The following RICTOR variants were observed in gnomAD, a reference collection of about 807,000 sequenced individuals.
RICTOR encodes the protein rapamycin-insensitive companion of mTOR.
RICTOR carries 49 observed loss-of-function variants against 214.9 expected under a neutral mutation model. The ratio of observed to expected loss-of-function variants is 0.23; its 90% CI spans 0.18 to 0.29. The LOEUF is 0.29. Ranked by LOEUF, RICTOR falls within the 10% of genes least tolerant of loss-of-function variation. The pLI is 1.00. For missense variants in RICTOR, 1,625 were observed against 2,047.0 expected (o/e 0.79, Z 3.98); for synonymous variants, 717 against 711.3 (o/e 1.01, Z -0.13).
At chr5:39,009,088 A>G (rs1007529975) in intron 3 of RICTOR, among the ~76,000 whole-genome samples, 1 of 152,140 alleles carries the variant, frequency 6.6e-6, no homozygotes, top group African/African-American at 2.4e-5. Flanking sequence ...GTAATAATGA[A>G]TGTTAATAAA....
At chr5:38,989,573 A>G (rs1378227900) in intron 7 of RICTOR, among the ~76,000 whole-genome samples, 1 of 152,222 alleles carries the variant, frequency 6.6e-6, no homozygotes, top group Non-Finnish European at 1.5e-5. Context: ...GGCAACCTAC[A>G]GAATGGGAAA....
chr5:38,975,649 T>C (rs1482262910), intron 9 of RICTOR, 45 bp from the exon 10 acceptor site: 10 of 1,482,646 alleles, frequency 6.7e-6, no homozygotes, highest in South Asian at 1.1e-5. Flanking sequence ...TGAAATAAAA[T>C]GTTAAAATGA....
At chr5:38,955,043 C>T (rs1489111597) in intron 26 of RICTOR, 182 bp from the exon 27 acceptor site, 4 of 436,958 alleles carry the variant, frequency 9.2e-6, no homozygotes, top group Non-Finnish European at 1.6e-5. Flanking sequence ...CTTCCCTAAT[C>T]CAAAATGATC....
In RICTOR at chr5:38,944,559, T is replaced by C. The variant is rs1198288323; in HGVS notation, c.4800A>G (p.Thr1600=). The change falls in exon 36 of 38, where the codon ACA becomes ACG. Residue 1600 remains threonine, a synonymous_variant. Transcript: ENST00000357387. ...KSTELLLGVK[T]IPDDTPMCRI... ...GGCACATTGGTGTATCATCTGGAATTGTTTTAACACCTGAAAAGATTTCAG... is the reference window on the plus strand; with the variant it reads ...GGCACATTGGTGTATCATCTGGAATCGTTTTAACACCTGAAAAGATTTCAG... The C allele has an allele frequency of 1.3e-6, 2 of 1,599,102 alleles. No individual in the cohort carries two copies. The highest frequency in any genetic ancestry group is 1.8e-5 in the Admixed American group (1 of 55,718).
chr5:38,986,952 G>A (rs1752217029), intron 7 of RICTOR, among the ~76,000 whole-genome samples: 1 of 152,056 alleles, frequency 6.6e-6, no homozygotes, highest in Admixed American at 6.6e-5. Flanking sequence ...ATATTTTACT[G>A]AAGGCCTTTT....
In RICTOR at chr5:38,954,800, T is replaced by C; in HGVS notation, c.2671A>G (p.Thr891Ala). ...TGTACTTCCAACAAATGGCAGCCTGTTTTATGGTGTACTAGTTGTCCATAA... is the reference window on the plus strand; with the variant it reads ...TGTACTTCCAACAAATGGCAGCCTGCTTTATGGTGTACTAGTTGTCCATAA... ...HLYGQLVHHK[T>A]GCHLLEVQNI... The change falls in exon 27 of 38, where the codon ACA (threonine) becomes GCA (alanine). Residue 891 changes from threonine (T) to alanine (A), a missense_variant. Around this residue, in one of 5 missense-constraint regions of RICTOR, gnomAD observed 1,214 missense variants for 1,470.5 expected, o/e 0.83. Coordinates refer to ENST00000357387, the MANE Select transcript of RICTOR (RefSeq NM_152756.5). 3.7e-6 allele frequency: 6 copies of C among 1,603,404 alleles called. No individual in the cohort carries two copies. Among genetic ancestry groups the C allele is most frequent in the Non-Finnish European group, 4.3e-6 (5 of 1,170,894 alleles).
chr5:39,011,891 G>C (rs948724595), intron 3 of RICTOR, among the ~76,000 whole-genome samples: 1 of 152,150 alleles, frequency 6.6e-6, no homozygotes, highest in African/African-American at 2.4e-5. Context: ...TGTCTCCAAT[G>C]AAACTTTGGA....
At chr5:39,026,003 T>C (rs1454552557) in intron 2 of RICTOR, among the ~76,000 whole-genome samples, 1 of 152,080 alleles carries the variant, frequency 6.6e-6, no homozygotes, top group Non-Finnish European at 1.5e-5. Flanking sequence ...GATATAGAAA[T>C]AGCAAAAAGA....
In RICTOR at chr5:39,017,181, T is replaced by C. The variant is rs115413633; in HGVS notation, c.195+3858A>G. Among the ~76,000 whole-genome samples, 722 of 152,274 alleles carry C rather than the reference T, an allele frequency of 4.7e-3. 11 individuals are homozygous for C. The highest frequency in any genetic ancestry group is 0.017 in the African/African-American group (696 of 41,564). ...CTTTCAGAATCCTGTTGGCAAGAGA[T>C]GTGGAACTATATTATCTAGCTGTGC... On this transcript the variant is annotated intron_variant, in intron 3 of 37. Coordinates refer to ENST00000357387, the MANE Select transcript of RICTOR (RefSeq NM_152756.5).
At chr5:39,059,027 G>C (rs1758371912) in intron 2 of RICTOR, among the ~76,000 whole-genome samples, 1 of 152,044 alleles carries the variant, frequency 6.6e-6, no homozygotes, top group Non-Finnish European at 1.5e-5. Flanking sequence ...AAATTAAGGT[G>C]GAATTACTGT....
chr5:38,983,063 ACT>A (rs1751855766), intron 7 of RICTOR, among the ~76,000 whole-genome samples: 1 of 151,960 alleles, frequency 6.6e-6, no homozygotes, highest in South Asian at 2.1e-4. Context: ...AACACACAGA[ACT>A]CTCATTATCC....
At position 39,037,269 on chromosome 5, in the gene RICTOR, C is replaced by T. The variant is rs568529758; in HGVS notation, c.98-16133G>A. Among the ~76,000 whole-genome samples, 880 of 152,020 alleles carry T rather than the reference C, an allele frequency of 5.8e-3. 10 individuals carry two copies. The highest frequency in any genetic ancestry group is 0.02 in the African/African-American group (837 of 41,450). On this transcript the variant is annotated intron_variant, in intron 2 of 37. Transcript: ENST00000357387. ...AAATAAAGACGTTCTTTGAAACCAA[C>T]GAGAACAAAGACACAACATACCAGA...
chr5:39,074,074 A>C, intron 2 of RICTOR, 37 bp downstream of exon 2: 6 of 1,522,126 alleles, frequency 3.9e-6, no homozygotes, highest in Non-Finnish European at 2.7e-6. Context: ...CCTCCCCAGC[A>C]GCGCGCCCTC....
At chr5:39,030,587 T>TAA (rs564902633) in intron 2 of RICTOR, among the ~76,000 whole-genome samples, 138 of 152,190 alleles carry the variant, frequency 9.1e-4, no homozygotes, top group African/African-American at 3.3e-3. Flanking sequence ...AACAGGACAG[T>TAA]AAAAAAACAG....
intron 30 of RICTOR, among the ~76,000 whole-genome samples, chr5:38,950,990 T>C (rs571644845): frequency 1.1e-4 from 17 of 152,048 alleles, no homozygotes; most frequent in Non-Finnish European, 2.4e-4. Flanking sequence ...ACAGGTTACA[T>C]GAAGTTTCTT....
At chr5:38,968,737 TAAA>T (rs1157586174) in intron 11 of RICTOR, among the ~76,000 whole-genome samples, 2 of 131,482 alleles carry the variant, frequency 1.5e-5, no homozygotes. Flanking sequence ...CCCTGCCTCT[TAAA>T]AAAAAAAAAA....
At chr5:38,974,270 G>C (rs1245576514) in intron 10 of RICTOR, among the ~76,000 whole-genome samples, 1 of 151,140 alleles carries the variant, frequency 6.6e-6, no homozygotes, top group Non-Finnish European at 1.5e-5. Context: ...GGCTGGTCTT[G>C]AACCCTTGAC....
At chr5:39,067,114 A>G (rs1226288436) in intron 2 of RICTOR, among the ~76,000 whole-genome samples, 1 of 152,190 alleles carries the variant, frequency 6.6e-6, no homozygotes, top group Non-Finnish European at 1.5e-5. Flanking sequence ...GCACTGCTAT[A>G]AAGAAGCATC....
intron 28 of RICTOR, 91 bp downstream of exon 28, chr5:38,953,370 C>T (rs1476496134): frequency 3.6e-6 from 2 of 560,596 alleles, no homozygotes; most frequent in African/African-American, 2.0e-5. Flanking sequence ...TAAGTAGTTC[C>T]AAAGAAAATA....
Sources: gnomAD v4.1 joint callset for allele counts (sites outside exome capture counted in the v4.1 genomes callset) on GRCh38, gnomAD v4.1.1 for gene constraint, gnomAD v4.1.1 regional missense constraint, MANE v1.5 for transcripts, NCBI Gene and HGNC (gene_info 2026-07-23, HGNC 2026-07-21) for gene names.